Variants in LEPR observed in about 807,000 individuals in gnomAD.
LEPR encodes the protein OB receptor.
Under a neutral mutation model 114.7 loss-of-function variants are expected in LEPR, and 56 were observed. The ratio of observed to expected loss-of-function variants is 0.49; its 90% CI spans 0.39 to 0.61. The LOEUF (loss-of-function observed/expected upper bound fraction) is 0.61. Ranked by LOEUF, LEPR falls within the 20% of genes least tolerant of loss-of-function variation. The pLI, the probability that LEPR is intolerant of heterozygous loss-of-function variation, is 0.00. For synonymous variants in LEPR, 443 were observed against 461.4 expected (o/e 0.96, Z 0.51); for missense variants, 1,202 against 1,352.9 (o/e 0.89, Z 1.75).
At chr1:65,438,134 T>TTC (rs1553152226) in intron 2 of LEPR, among the ~76,000 whole-genome samples, 8 of 149,478 alleles carry the variant, frequency 5.4e-5, no homozygotes, top group Non-Finnish European at 7.4e-5. Context: ...TTTTTTTTTT[T>TTC]CAAAAAATAT....
At chr1:65,580,924 C>G (rs1022662193) in intron 5 of LEPR, among the ~76,000 whole-genome samples, 10 of 152,150 alleles carry the variant, frequency 6.6e-5, no homozygotes, top group African/African-American at 2.2e-4. Flanking sequence ...GACTGGGAAG[C>G]TGGGGAATGA....
intron 19 of LEPR, chr1:65,629,259 G>T: frequency 3.1e-6 from 1 of 325,722 alleles, no homozygotes; most frequent in Non-Finnish European, 5.9e-6. Context: ...AAAAACATTA[G>T]CACTCTTACG....
At chr1:65,521,531 C>T (rs943578166) in intron 2 of LEPR, among the ~76,000 whole-genome samples, 1 of 152,180 alleles carries the variant, frequency 6.6e-6, no homozygotes, top group African/African-American at 2.4e-5. Flanking sequence ...ACGGTGTCTT[C>T]TATCACTTAT....
intron 2 of LEPR, among the ~76,000 whole-genome samples, chr1:65,480,895 A>G (rs148329252): frequency 2.3e-4 from 35 of 152,282 alleles, no homozygotes; most frequent in African/African-American, 7.7e-4. Flanking sequence ...GAAAGAAAAA[A>G]ATGTTTTGAA....
chr1:65,614,400 G>A (rs903975094), intron 14 of LEPR, among the ~76,000 whole-genome samples: 9 of 152,236 alleles, frequency 5.9e-5, no homozygotes, highest in East Asian at 1.9e-4. Flanking sequence ...TGTATTACAA[G>A]TGTATGAAGC....
At position 65,618,078 on chromosome 1, in the gene LEPR, A is replaced by G. The variant is rs912810991; in HGVS notation, c.2327A>G (p.Asn776Ser). 1 of 1,611,778 alleles carries G rather than the reference A, an allele frequency of 6.2e-7. No homozygotes were observed. The highest frequency in any genetic ancestry group is 1.3e-5 in the African/African-American group (1 of 74,852). ...KLMYFIIEWK[N>S]LNEDGEIKWL... is the part of the protein sequence containing the mutation. Reference sequence around the variant, plus strand: ...ATGTATTTTATTATTGAGTGGAAAAATCTTAATGAAGATGGTGAAATAAAA... The same window carrying G: ...ATGTATTTTATTATTGAGTGGAAAAGTCTTAATGAAGATGGTGAAATAAAA... Residue 776 changes from asparagine (N) to serine (S), a missense_variant, in exon 16 of 20, where the codon AAT (asparagine) becomes AGT (serine). By Grantham distance (46) the Asn-to-Ser change is conservative. Transcript: ENST00000349533.
intron 2 of LEPR, among the ~76,000 whole-genome samples, chr1:65,535,230 A>ACT (rs1650681693): frequency 7.2e-5 from 11 of 151,840 alleles, no homozygotes; most frequent in Admixed American, 3.9e-4. Context: ...CTGTTATAGT[A>ACT]GTAAGATGTT....
At chr1:65,591,343 C>G (rs1372147031) in intron 5 of LEPR, among the ~76,000 whole-genome samples, 1 of 152,004 alleles carries the variant, frequency 6.6e-6, no homozygotes, top group Non-Finnish European at 1.5e-5. Flanking sequence ...TCAGTTGATG[C>G]GTTGTTCACG....
intron 7 of LEPR, among the ~76,000 whole-genome samples, chr1:65,598,423 G>T (rs1367335707): frequency 6.6e-6 from 1 of 151,930 alleles, no homozygotes; most frequent in African/African-American, 2.4e-5. Flanking sequence ...TCAATTAACA[G>T]TATTTGTTAA....
chr1:65,495,620 T>A (rs146185692), intron 2 of LEPR, among the ~76,000 whole-genome samples: 29 of 152,334 alleles, frequency 1.9e-4, no homozygotes, highest in African/African-American at 7.0e-4. Flanking sequence ...GCAGTGCTAT[T>A]CACAATAGAC....
intron 2 of LEPR, among the ~76,000 whole-genome samples, chr1:65,527,731 T>C (rs1222772162): frequency 6.6e-6 from 1 of 152,212 alleles, no homozygotes; most frequent in East Asian, 1.9e-4. Context: ...TTTCAGTGAC[T>C]TTTTGCCTTT....
chr1:65,566,201 C>CTTTTTTTT (rs35617332), intron 3 of LEPR, among the ~76,000 whole-genome samples: 2 of 113,572 alleles, frequency 1.8e-5, no homozygotes, highest in Non-Finnish European at 1.8e-5. Context: ...TAGATTAATT[C>CTTTTTTTT]TTTTTTTTTT....
chr1:65,626,369 C>A, intron 19 of LEPR: 1 of 1,194,170 alleles, frequency 8.4e-7, no homozygotes. Context: ...ATTTGTAGGA[C>A]TGATTTTTTA....
intron 19 of LEPR, 51 bp downstream of exon 19, chr1:65,623,032 A>G: frequency 6.5e-7 from 1 of 1,542,680 alleles, no homozygotes; most frequent in Non-Finnish European, 8.9e-7. Flanking sequence ...TGCAATCTAG[A>G]CGCCATATGA....
chr1:65,436,251 T>G, intron 2 of LEPR, among the ~76,000 whole-genome samples: 1 of 152,154 alleles, frequency 6.6e-6, no homozygotes, highest in South Asian at 2.1e-4. Flanking sequence ...ATGGTGGACA[T>G]GGAAGATTGG....
chr1:65,639,896 CT>C lies in LEPR; in HGVS notation c.*2882del, dbSNP rs1658816732. 1 of 152,036 alleles carries C rather than the reference CT, an allele frequency of 6.6e-6. No individual in the cohort carries two copies. The highest frequency in any genetic ancestry group is 1.5e-5 in the Non-Finnish European group (1 of 68,008). The allele number at this position is 152,036 out of a possible 1,614,324, so 9.4% of individuals were successfully genotyped here. On this transcript the variant is annotated 3_prime_UTR_variant, in exon 20 of 20. Coordinates refer to ENST00000349533, the MANE Select transcript of LEPR (RefSeq NM_002303.6). ...ACATGTCACTATGAATAGGCACCTT[CT>C]GTTGGATCTCTGTGTCCATTTAGAG...
At chr1:65,525,349 G>T (rs576369718) in intron 2 of LEPR, among the ~76,000 whole-genome samples, 1 of 152,086 alleles carries the variant, frequency 6.6e-6, no homozygotes, top group African/African-American at 2.4e-5. Flanking sequence ...GGGTGGGGGG[G>T]TACTGCCAGG....
chr1:65,534,954 C>T lies in LEPR; in HGVS notation c.-20-30592C>T, dbSNP rs568139740. Among the ~76,000 whole-genome samples, 22 of 152,266 alleles carry T rather than the reference C, an allele frequency of 1.4e-4. No individual in the cohort carries two copies. In the South Asian group the frequency reaches 4.1e-3, roughly 29 times the overall value. On this transcript the variant is annotated intron_variant, in intron 2 of 19. Coordinates refer to ENST00000349533, the MANE Select transcript of LEPR (RefSeq NM_002303.6). ...AATTAATTATACTTTCTTATTGTAA[C>T]TTTAGCCGCTGTTATTTGGGTCTCT... is the stretch of plus-strand genomic sequence containing the variant.
intron 5 of LEPR, among the ~76,000 whole-genome samples, chr1:65,589,557 A>G (rs149103719): frequency 2.0e-4 from 31 of 152,034 alleles, no homozygotes; most frequent in African/African-American, 7.0e-4. Flanking sequence ...TAGGTTTTAC[A>G]TTTAGATTTA....
Sources: gnomAD v4.1 joint callset for allele counts (sites outside exome capture counted in the v4.1 genomes callset) on GRCh38, gnomAD v4.1.1 for gene constraint, MANE v1.5 for transcripts, NCBI Gene and HGNC (gene_info 2026-07-23, HGNC 2026-07-21) for gene names.